Variants in CPXM2 observed in about 807,000 individuals in gnomAD.
CPXM2 encodes the protein carboxypeptidase X, M14 family member 2, also known as inactive carboxypeptidase-like protein X2.
CPXM2 carries 66 observed loss-of-function variants against 86.1 expected under a neutral mutation model. That is an observed-to-expected ratio of 0.77 (90% confidence interval 0.63 to 0.94). CPXM2 has a LOEUF of 0.94. Ranked by LOEUF, CPXM2 falls within the 40% of genes least tolerant of loss-of-function variation. The pLI is 0.00. For synonymous variants in CPXM2, 388 were observed against 400.2 expected (o/e 0.97, Z 0.36); for missense variants, 948 against 1,026.3 (o/e 0.92, Z 1.04).
At chr10:123,804,445 G>A (rs1261361094) in intron 4 of CPXM2, among the ~76,000 whole-genome samples, 1 of 151,904 alleles carries the variant, frequency 6.6e-6, no homozygotes, top group Non-Finnish European at 1.5e-5. Flanking sequence ...TTATTCCTGG[G>A]TAGCTGATTT....
chr10:123,871,071 G>T (rs910889800), intron 2 of CPXM2, among the ~76,000 whole-genome samples: 7 of 152,170 alleles, frequency 4.6e-5, no homozygotes, highest in African/African-American at 1.7e-4. Context: ...GAGTCAGCCC[G>T]GAGCCTCAGC....
chr10:123,869,994 G>A (rs1410409468), intron 2 of CPXM2, among the ~76,000 whole-genome samples: 1 of 152,072 alleles, frequency 6.6e-6, no homozygotes, highest in Non-Finnish European at 1.5e-5. Context: ...GGGGGTGGGG[G>A]GCCGTTATGA....
At chr10:123,866,512 C>G (rs1848984576) in intron 2 of CPXM2, among the ~76,000 whole-genome samples, 1 of 151,966 alleles carries the variant, frequency 6.6e-6, no homozygotes, top group Non-Finnish European at 1.5e-5. Flanking sequence ...TTGCAGTGAG[C>G]CGAGATCGTG....
At chr10:123,835,266 C>A (rs1430861645) in intron 4 of CPXM2, among the ~76,000 whole-genome samples, 1 of 152,088 alleles carries the variant, frequency 6.6e-6, no homozygotes, top group South Asian at 2.1e-4. Flanking sequence ...ACCTGGGGAA[C>A]AAGGACCCTC....
intron 4 of CPXM2, among the ~76,000 whole-genome samples, chr10:123,810,456 T>C (rs1175284344): frequency 6.6e-6 from 1 of 152,066 alleles, no homozygotes; most frequent in Admixed American, 6.5e-5. Context: ...TTCTTAAGCA[T>C]ACATACAACA....
chr10:123,768,439 T>TTTTGCATGGCCC (rs1262998251), intron 9 of CPXM2, 87 bp downstream of exon 9: 10 of 817,170 alleles, frequency 1.2e-5, no homozygotes, highest in Non-Finnish European at 1.8e-5. Context: ...GAAGGTGGAA[T>TTTTGCATGGCCC]TTTGCATAGC....
rs921262148 is a variant in CPXM2, at chr10:123,911,062, C to G, written n.174+28415G>C. 1.3e-5 allele frequency among the ~76,000 whole-genome samples: 2 copies of G among 152,200 alleles called. 1 individual carries two copies. The highest frequency in any genetic ancestry group is 4.8e-5 in the African/African-American group (2 of 41,450). On this transcript the variant is annotated intron_variant and non_coding_transcript_variant, in intron 2 of 19. Coordinates refer to the CPXM2 transcript ENST00000368854. ...AGTCATCCTGGATTAAAGCCCATCC[C>G]AAGGACCTCATCTTATCTTGATTAA...
intron 8 of CPXM2, among the ~76,000 whole-genome samples, chr10:123,770,187 T>C (rs1564760052): frequency 6.6e-6 from 1 of 152,134 alleles, no homozygotes; most frequent in Non-Finnish European, 1.5e-5. Context: ...GGCAGGAGAA[T>C]TGCTTGAACC....
intron 2 of CPXM2, among the ~76,000 whole-genome samples, chr10:123,918,903 G>A (rs1945557814): frequency 6.6e-6 from 1 of 152,074 alleles, no homozygotes; most frequent in Admixed American, 6.6e-5. Flanking sequence ...TCCTAAAGTG[G>A]ACCCAGTCAC....
chr10:123,914,079 G>A, intron 2 of CPXM2: 2 of 480,716 alleles, frequency 4.2e-6, no homozygotes, highest in South Asian at 1.5e-5. Flanking sequence ...CTTTGGCATG[G>A]AGCATGCAAT....
chr10:123,851,551 C>G (rs1470374635), intron 3 of CPXM2, among the ~76,000 whole-genome samples: 1 of 152,128 alleles, frequency 6.6e-6, no homozygotes, highest in Non-Finnish European at 1.5e-5. Flanking sequence ...GGGCGGATCA[C>G]AAGATCAGGA....
At chr10:123,830,198 GC>G (rs1349625302) in intron 4 of CPXM2, among the ~76,000 whole-genome samples, 4 of 152,166 alleles carry the variant, frequency 2.6e-5, no homozygotes, top group African/African-American at 9.7e-5. Flanking sequence ...GGTGCCATAA[GC>G]AAAGTGACAA....
intron 4 of CPXM2, among the ~76,000 whole-genome samples, chr10:123,806,233 A>G (rs759226120): frequency 1.1e-4 from 16 of 152,088 alleles, no homozygotes; most frequent in Non-Finnish European, 2.1e-4. Context: ...TTTGAATGAT[A>G]TTTTTGTTGG....
intron 2 of CPXM2, among the ~76,000 whole-genome samples, chr10:123,918,738 G>A (rs1406411427): frequency 6.6e-6 from 1 of 152,162 alleles, no homozygotes; most frequent in African/African-American, 2.4e-5. Context: ...ATCCCCTTCA[G>A]CAGCAGTGGT....
rs147757568 is a variant in CPXM2 at position 123,932,081 on chromosome 10, G to T, written n.174+7396C>A. Among the ~76,000 whole-genome samples the T allele has an allele frequency of 6.4e-3, 973 of 152,286 alleles. 9 individuals are homozygous for T. Among genetic ancestry groups the T allele is most frequent in the African/African-American group, 0.023 (938 of 41,540 alleles). Reference sequence around the variant, plus strand: ...AATATGTGAGTCTACGAAGGTACAGGTGAAACTGTACAAGAGGAAGGTGTC... The same window carrying T: ...AATATGTGAGTCTACGAAGGTACAGTTGAAACTGTACAAGAGGAAGGTGTC... On this transcript the variant is annotated intron_variant and non_coding_transcript_variant, in intron 2 of 19. Transcript: ENST00000368854.
chr10:123,942,729 T>A (rs980589639), upstream of CPXM2, among the ~76,000 whole-genome samples: 3 of 152,238 alleles, frequency 2.0e-5, no homozygotes, highest in Non-Finnish European at 4.4e-5. Context: ...GCTCTCACTA[T>A]GGAGTAGCCA....
At chr10:123,822,700 G>A (rs1847953575) in intron 4 of CPXM2, among the ~76,000 whole-genome samples, 1 of 140,488 alleles carries the variant, frequency 7.1e-6, no homozygotes, top group Middle Eastern at 3.2e-3. Context: ...TTTCAAAAAA[G>A]TAGGCAGCAG....
intron 7 of CPXM2, among the ~76,000 whole-genome samples, chr10:123,772,137 T>G (rs536087409): frequency 6.6e-6 from 1 of 152,284 alleles, no homozygotes; most frequent in South Asian, 2.1e-4. Flanking sequence ...CTGGTTGTGG[T>G]TATTACCTCT....
chr10:123,851,586 A>G (rs1016542613), intron 3 of CPXM2, among the ~76,000 whole-genome samples: 1 of 152,072 alleles, frequency 6.6e-6, no homozygotes, highest in Non-Finnish European at 1.5e-5. Flanking sequence ...TGGCTAACAC[A>G]GTGAAACCCC....
Sources: gnomAD v4.1 joint callset for allele counts (sites outside exome capture counted in the v4.1 genomes callset) on GRCh38, gnomAD v4.1.1 for gene constraint, MANE v1.5 for transcripts, NCBI Gene and HGNC (gene_info 2026-07-23, HGNC 2026-07-21) for gene names.